ARHGAP10: variants seen among roughly 807,000 people sequenced by gnomAD.
ARHGAP10 encodes Rho GTPase activating protein 10, also known as rho GTPase-activating protein 10.
ARHGAP10 carries 87 observed loss-of-function variants against 108.6 expected under a neutral mutation model. The ratio of observed to expected loss-of-function variants is 0.80; its 90% CI spans 0.67 to 0.96. ARHGAP10 has a LOEUF of 0.96. Among genes scored for constraint, ARHGAP10 ranks in the 40% least tolerant of loss-of-function variants. The probability of loss-of-function intolerance (pLI) is 0.00; values close to 1 mark genes in which losing one functional copy is unlikely to be tolerated. For synonymous variants in ARHGAP10, 347 were observed against 341.1 expected, an observed-to-expected ratio of 1.02 and a Z score of -0.19; for missense variants, 939 against 954.5, an observed-to-expected ratio of 0.98 and a Z score of 0.21.
chr4:147,732,270 G>T lies in ARHGAP10; in HGVS notation c.-32G>T. 6.5e-7 allele frequency: 1 copy of T among 1,549,136 alleles called. No homozygotes were observed. Among genetic ancestry groups the T allele is most frequent in the Non-Finnish European group, 8.7e-7 (1 of 1,155,242 alleles). On this transcript the variant is annotated 5_prime_UTR_variant, in exon 1 of 23. Coordinates refer to ENST00000336498, the MANE Select transcript of ARHGAP10 (RefSeq NM_024605.4). ...AGCTCGGCTCGGGCAGGAGCGCGCG[G>T]CCGTGCGCACCGCGCAGCGACCGCT... is the stretch of plus-strand genomic sequence containing the variant.
chr4:147,856,489 A>G (rs1042992473), intron 4 of ARHGAP10, among the ~76,000 whole-genome samples: 8 of 152,238 alleles, frequency 5.3e-5, no homozygotes, highest in Admixed American at 5.2e-4. Flanking sequence ...TGACACTACA[A>G]GTGGAAAATT....
chr4:147,760,717 T>G (rs1455360742), intron 1 of ARHGAP10, among the ~76,000 whole-genome samples: 1 of 152,182 alleles, frequency 6.6e-6, no homozygotes, highest in African/African-American at 2.4e-5. Flanking sequence ...CCTACCCTAA[T>G]TCATGTCTTA....
intron 10 of ARHGAP10, among the ~76,000 whole-genome samples, chr4:147,886,990 C>A (rs1462854724): frequency 6.6e-6 from 1 of 152,140 alleles, no homozygotes; most frequent in African/African-American, 2.4e-5. Context: ...CTCCTGAACT[C>A]AAGAGATCCA....
intron 22 of ARHGAP10, among the ~76,000 whole-genome samples, chr4:148,068,807 G>A (rs1017556285): frequency 7.9e-5 from 12 of 152,180 alleles, no homozygotes; most frequent in African/African-American, 2.9e-4. Flanking sequence ...AGTGATTTCA[G>A]TACTTGTCAC....
In ARHGAP10 at chr4:147,732,345, G is replaced by T. The variant is rs1392504794; in HGVS notation, c.44G>T (p.Ser15Ile). Residue 15 changes from serine (S) to isoleucine (I), a missense_variant, in exon 1 of 23, where the codon AGC (serine) becomes ATC (isoleucine). Coordinates refer to ENST00000336498, the MANE Select transcript of ARHGAP10 (RefSeq NM_024605.4). ...GAGTTCAGCGACTGCTACCTCGACA[G>T]CCCGTGGTTCCGGGAGAGGATCCGC... is the stretch of plus-strand genomic sequence containing the variant. ...PLEFSDCYLD[S>I]PWFRERIRAH... The T allele has an allele frequency of 1.9e-6, 3 of 1,613,264 alleles. No homozygotes were observed. The highest frequency in any genetic ancestry group is 1.7e-6 in the Non-Finnish European group (2 of 1,179,598).
chr4:147,759,643 G>A (rs755680630), intron 1 of ARHGAP10, among the ~76,000 whole-genome samples: 27 of 150,910 alleles, frequency 1.8e-4, no homozygotes, highest in South Asian at 4.2e-4. Flanking sequence ...TTAATCTGGC[G>A]TATCCAAAAT....
At chr4:147,946,778 T>TA in intron 15 of ARHGAP10, 74 bp downstream of exon 15, 1 of 1,132,582 alleles carries the variant, frequency 8.8e-7, no homozygotes. Flanking sequence ...GCCAATTGTG[T>TA]ACATAAATAT....
chr4:147,929,722 A>G (rs1737596330), intron 13 of ARHGAP10, among the ~76,000 whole-genome samples: 1 of 152,184 alleles, frequency 6.6e-6, no homozygotes, highest in South Asian at 2.1e-4. Context: ...AAGTTTTTCT[A>G]ATTATTTCAT....
chr4:147,873,760 A>AGTTCC (rs1232377709), intron 7 of ARHGAP10, among the ~76,000 whole-genome samples: 1 of 120,440 alleles, frequency 8.3e-6, no homozygotes, highest in African/African-American at 2.8e-5. Flanking sequence ...CTGTAGTCCC[A>AGTTCC]GTTCCTCTGG....
At chr4:147,935,688 T>C (rs571615546) in intron 13 of ARHGAP10, among the ~76,000 whole-genome samples, 2 of 152,340 alleles carry the variant, frequency 1.3e-5, no homozygotes, top group African/African-American at 2.4e-5. Flanking sequence ...TATGAACATA[T>C]ATGTGTTCAT....
At chr4:147,932,480 G>A (rs1419861153) in intron 13 of ARHGAP10, among the ~76,000 whole-genome samples, 2 of 152,142 alleles carry the variant, frequency 1.3e-5, no homozygotes, top group Admixed American at 6.6e-5. Context: ...GCCATAAAAA[G>A]GAATGAGATC....
intron 22 of ARHGAP10, among the ~76,000 whole-genome samples, chr4:148,071,602 C>T (rs1028308750): frequency 6.6e-6 from 1 of 151,654 alleles, no homozygotes; most frequent in Non-Finnish European, 1.5e-5. Context: ...GGCGACAGAG[C>T]GAGACTCCCT....
At chr4:147,869,582 GA>G (rs33932988) in intron 7 of ARHGAP10, among the ~76,000 whole-genome samples, 16,569 of 143,038 alleles carry the variant, frequency 0.12, 1,067 homozygotes, top group African/African-American at 0.2. Flanking sequence ...ACAGTTTATT[GA>G]AAAAAAAAAA....
At chr4:147,807,095 T>C (rs1731818845) in intron 1 of ARHGAP10, among the ~76,000 whole-genome samples, 1 of 152,174 alleles carries the variant, frequency 6.6e-6, no homozygotes. Context: ...ACTTTGAAAA[T>C]GGCAAGGTCA....
At chr4:147,878,943 A>AT (rs927910846) in intron 8 of ARHGAP10, among the ~76,000 whole-genome samples, 9 of 151,604 alleles carry the variant, frequency 5.9e-5, no homozygotes, top group Non-Finnish European at 5.9e-5. Flanking sequence ...TGCCTGGCTA[A>AT]TTTTTTTTAG....
At chr4:147,970,919 C>G (rs1298497908) in intron 18 of ARHGAP10, among the ~76,000 whole-genome samples, 1 of 152,038 alleles carries the variant, frequency 6.6e-6, no homozygotes, top group Non-Finnish European at 1.5e-5. Context: ...AAAACCCCAT[C>G]TCTACTTAAA....
At chr4:147,975,341 A>G (rs187437398) in intron 18 of ARHGAP10, among the ~76,000 whole-genome samples, 23 of 152,190 alleles carry the variant, frequency 1.5e-4, no homozygotes, top group Non-Finnish European at 2.8e-4. Context: ...GTCCCCGAGT[A>G]GTGTGTGTCC....
At chr4:148,049,132 G>C (rs1450048405) in intron 20 of ARHGAP10, among the ~76,000 whole-genome samples, 1 of 152,104 alleles carries the variant, frequency 6.6e-6, no homozygotes, top group African/African-American at 2.4e-5. Context: ...TTGTCATTAT[G>C]TTAGGAAGTT....
chr4:148,059,132 G>A (rs1729491420), intron 20 of ARHGAP10, among the ~76,000 whole-genome samples: 1 of 152,236 alleles, frequency 6.6e-6, no homozygotes, highest in African/African-American at 2.4e-5. Context: ...GGACGGTGAT[G>A]TTGGCCTTCC....
Sources: allele counts gnomAD v4.1 joint callset (sites outside exome capture counted in the v4.1 genomes callset), GRCh38; gene constraint gnomAD v4.1.1; transcripts MANE v1.5; gene names NCBI Gene and HGNC (gene_info 2026-07-23, HGNC 2026-07-21).